Variants in PHTF2 observed in about 807,000 individuals in gnomAD.
PHTF2 encodes the protein putative homeodomain transcription factor 2.
A neutral mutation model predicts 101.2 loss-of-function variants in PHTF2; 60 were observed. The observed-to-expected ratio is 0.59, with a 90% CI of 0.48 to 0.73. The LOEUF is 0.73. PHTF2 is among the 30% of genes least tolerant of loss of function. The probability of loss-of-function intolerance (pLI) is 0.00; values close to 1 mark genes in which losing one functional copy is unlikely to be tolerated. For synonymous variants in PHTF2, 311 were observed against 307.3 expected, an observed-to-expected ratio of 1.01 and a Z score of -0.13; for missense variants, 747 against 908.7, an observed-to-expected ratio of 0.82 and a Z score of 2.29.
At chr7:77,858,748 A>G (rs1341350344) in intron 3 of PHTF2, among the ~76,000 whole-genome samples, 7 of 151,804 alleles carry the variant, frequency 4.6e-5, no homozygotes, top group Admixed American at 4.6e-4. Context: ...ACCACCATAC[A>G]TTTAAATAGC....
chr7:77,938,670 G>A (rs978214029), intron 13 of PHTF2, among the ~76,000 whole-genome samples: 11 of 152,158 alleles, frequency 7.2e-5, no homozygotes, highest in Non-Finnish European at 1.5e-4. Context: ...CCAGCTACTC[G>A]GGAGGCTGAG....
chr7:77,856,984 G>A (rs1797236171), intron 3 of PHTF2, among the ~76,000 whole-genome samples: 1 of 152,060 alleles, frequency 6.6e-6, no homozygotes, highest in African/African-American at 2.4e-5. Context: ...ACAAATTAGA[G>A]TATCTTTCAG....
At chr7:77,909,090 T>G (rs1317098152) in intron 8 of PHTF2, 132 bp downstream of exon 7, 3 of 526,898 alleles carry the variant, frequency 5.7e-6, no homozygotes, top group Non-Finnish European at 9.7e-6. Context: ...ACACTGAGCT[T>G]CAGAATCAAT....
chr7:77,819,606 T>C (rs1794117608), intron 1 of PHTF2, among the ~76,000 whole-genome samples: 1 of 152,210 alleles, frequency 6.6e-6, no homozygotes, highest in Non-Finnish European at 1.5e-5. Context: ...ATGTATTATC[T>C]TTTTGATGTG....
chr7:77,864,445 G>A (rs1162573730), intron 3 of PHTF2, among the ~76,000 whole-genome samples: 1 of 152,108 alleles, frequency 6.6e-6, no homozygotes, highest in Non-Finnish European at 1.5e-5. Context: ...TCTTTGCAAG[G>A]CCTATAACGA....
At chr7:77,896,470 C>T (rs1800885764) in intron 5 of PHTF2, among the ~76,000 whole-genome samples, 1 of 152,166 alleles carries the variant, frequency 6.6e-6, no homozygotes, top group Non-Finnish European at 1.5e-5. Context: ...AGGAGGATCA[C>T]TTGAGCCCAG....
intron 4 of PHTF2, 55 bp from the exon 4 acceptor site, chr7:77,893,927 C>T: frequency 1.5e-6 from 2 of 1,297,092 alleles, no homozygotes; most frequent in Non-Finnish European, 2.2e-6. Flanking sequence ...CACTTGTCAC[C>T]TTATACTTCT....
At position 77,839,049 on chromosome 7, in the gene PHTF2, A is replaced by C. The variant is rs143778539; in HGVS notation, c.-35-1172A>C. On this transcript the variant is annotated intron_variant, in intron 1 of 19. Coordinates refer to ENST00000416283, the Ensembl canonical transcript of PHTF2. Reference sequence around the variant, plus strand: ...CCCACTCATCATGCATGCTCCCAAGAGTGGTATATAAAACCTCCGGTACTT... The same window carrying C: ...CCCACTCATCATGCATGCTCCCAAGCGTGGTATATAAAACCTCCGGTACTT... 1.1e-4 allele frequency among the ~76,000 whole-genome samples: 16 copies of C among 152,206 alleles called. No homozygotes were observed. The East Asian group carries it at 3.1e-3, about 29-fold the overall frequency.
At chr7:77,887,125 A>G (rs960867071) in intron 3 of PHTF2, among the ~76,000 whole-genome samples, 4 of 151,342 alleles carry the variant, frequency 2.6e-5, no homozygotes, top group African/African-American at 7.3e-5. Flanking sequence ...GGTACTTCTC[A>G]GAGGTAATCA....
chr7:77,915,905 T>C (rs1802869638), intron 9 of PHTF2, among the ~76,000 whole-genome samples: 1 of 152,040 alleles, frequency 6.6e-6, no homozygotes, highest in African/African-American at 2.4e-5. Flanking sequence ...TCTAAGAAAA[T>C]AGCATTAACT....
At chr7:77,899,768 G>A (rs1434698189) in intron 5 of PHTF2, among the ~76,000 whole-genome samples, 2 of 152,104 alleles carry the variant, frequency 1.3e-5, no homozygotes, top group Non-Finnish European at 2.9e-5. Context: ...CCAAAGACAG[G>A]ATTTACTGCA....
chr7:77,867,592 T>C (rs1056244936), intron 3 of PHTF2, among the ~76,000 whole-genome samples: 1 of 152,212 alleles, frequency 6.6e-6, no homozygotes, highest in African/African-American at 2.4e-5. Context: ...CTGCCTCAAC[T>C]GGCATTTGAG....
intron 15 of PHTF2, among the ~76,000 whole-genome samples, chr7:77,941,649 C>G (rs1584779102): frequency 1.3e-5 from 2 of 152,138 alleles, no homozygotes; most frequent in African/African-American, 4.8e-5. Context: ...ATCACCAATT[C>G]CTATCTTTTC....
chr7:77,932,621 AGTGTGTGTGTGTGTGTGTGTGT>A (rs56005414), intron 12 of PHTF2, among the ~76,000 whole-genome samples: 3 of 118,476 alleles, frequency 2.5e-5, no homozygotes, highest in African/African-American at 7.0e-5. Context: ...AGAGAGAGAG[AGTGTGTGTGTGTGTGTGTGTGT>A]GTGTGTGTGT....
At chr7:77,954,686 CATTTTT>C (rs1324454473) in intron 19 of PHTF2, among the ~76,000 whole-genome samples, 166 bp from the exon 19 acceptor site, 2 of 142,770 alleles carry the variant, frequency 1.4e-5, no homozygotes, top group Non-Finnish European at 3.0e-5. Context: ...CTGATTTTCA[CATTTTT>C]GTTTGTGTTT....
Position 77,927,832 on chromosome 7 carries a change from A to G in PHTF2, c.1120-1277A>G, listed in dbSNP as rs953836759. On this transcript the variant is annotated intron_variant, in intron 11 of 19. Transcript: ENST00000416283. The stretch of plus-strand genomic sequence containing the variant: ...AAGAACAAGCCATGCTTAGGGGCTC[A>G]GAAGTAGCCTACTGTCACTGGAGTA... Among the ~76,000 whole-genome samples, 9 of 152,236 alleles carry G rather than the reference A, an allele frequency of 5.9e-5. 1 individual carries two copies. Among genetic ancestry groups the G allele is most frequent in the African/African-American group, 2.2e-4 (9 of 41,464 alleles).
chr7:77,887,157 C>A (rs1002113097), intron 3 of PHTF2, among the ~76,000 whole-genome samples: 8 of 151,446 alleles, frequency 5.3e-5, no homozygotes, highest in African/African-American at 1.9e-4. Context: ...TTTCATGTAT[C>A]CTTCTAAATA....
At chr7:77,929,070 C>T (rs777605140) in intron 11 of PHTF2, 39 bp from the exon 11 acceptor site, 3 of 1,454,432 alleles carry the variant, frequency 2.1e-6, no homozygotes, top group Admixed American at 3.5e-5. Context: ...GGAAAGAGTA[C>T]ATAAATTGTA....
At chr7:77,952,568 AT>A (rs1444154458) in intron 18 of PHTF2, among the ~76,000 whole-genome samples, 2 of 152,190 alleles carry the variant, frequency 1.3e-5, no homozygotes, top group African/African-American at 4.8e-5. Flanking sequence ...GGCAAACTCC[AT>A]TTTTGACCAA....
Sources: allele counts gnomAD v4.1 joint callset (sites outside exome capture counted in the v4.1 genomes callset), GRCh38; gene constraint gnomAD v4.1.1; transcripts MANE v1.5; gene names NCBI Gene and HGNC (gene_info 2026-07-23, HGNC 2026-07-21).